NEK5: variants seen among roughly 807,000 people sequenced by gnomAD.
NEK5 encodes serine/threonine-protein kinase Nek5.
NEK5 carries 88 observed loss-of-function variants against 109.2 expected under a neutral mutation model. The observed-to-expected ratio is 0.81, with a 90% CI of 0.68 to 0.96. The LOEUF is 0.96. Ranked by LOEUF, NEK5 falls within the 40% of genes least tolerant of loss-of-function variation. NEK5 has a pLI of 0.00. For synonymous variants in NEK5, 283 were observed against 299.9 expected (o/e 0.94, Z 0.58); for missense variants, 834 against 920.7 (o/e 0.91, Z 1.22).
chr13:52,056,390 A>G (rs958949809), intron 22 of NEK5, among the ~76,000 whole-genome samples: 3 of 151,860 alleles, frequency 2.0e-5, no homozygotes, highest in Non-Finnish European at 2.9e-5. Flanking sequence ...CAGATCAACG[A>G]GACAGAAAAT....
At chr13:52,122,649 C>T (rs1424414216) in intron 3 of NEK5, among the ~76,000 whole-genome samples, 1 of 152,104 alleles carries the variant, frequency 6.6e-6, no homozygotes, top group African/African-American at 2.4e-5. Context: ...CGCCTGTAGT[C>T]CCAGCTACTC....
At chr13:52,123,174 C>T (rs1013623491) in intron 3 of NEK5, among the ~76,000 whole-genome samples, 2 of 152,050 alleles carry the variant, frequency 1.3e-5, no homozygotes, top group African/African-American at 4.8e-5. Context: ...TAATGAAAAA[C>T]TACATGAGAG....
At chr13:52,112,171 C>T (rs1955771026) in intron 5 of NEK5, 97 bp downstream of exon 5, 1 of 574,030 alleles carries the variant, frequency 1.7e-6, no homozygotes, top group East Asian at 2.8e-5. Flanking sequence ...AAAACACATG[C>T]TTTATATCAA....
At chr13:52,046,152 A>G (rs930759328) in intron 23 of NEK5, among the ~76,000 whole-genome samples, 3 of 151,710 alleles carry the variant, frequency 2.0e-5, no homozygotes, top group African/African-American at 2.4e-5. Context: ...ATTTTACTAT[A>G]GAGAAAATTA....
intron 8 of NEK5, among the ~76,000 whole-genome samples, chr13:52,106,304 C>G (rs1955654202): frequency 6.6e-6 from 1 of 152,142 alleles, no homozygotes; most frequent in Admixed American, 6.6e-5. Context: ...CCAAGTATCT[C>G]TTGGGCATTT....
chr13:52,108,368 A>C lies in NEK5; in HGVS notation c.504T>G (p.Pro168=), dbSNP rs777035100. The C allele has an allele frequency of 6.2e-7, 1 of 1,611,474 alleles. No homozygotes were observed. The highest frequency in any genetic ancestry group is 8.5e-7 in the Non-Finnish European group (1 of 1,178,034). Residue 168 remains proline, a synonymous_variant, in exon 8 of 24, where the codon CCT becomes CCG. Coordinates refer to ENST00000684899, the MANE Select transcript of NEK5 (RefSeq NM_001365552.1). The part of the protein sequence containing the change: ...MELARTCIGT[P]YYLSPEICQN... ...GACAGATCTCTGGGGACAGGTAGTA[A>C]GGTGTTCCAATACAAGTTCGAGCAA... is the stretch of plus-strand genomic sequence containing the variant.
intron 23 of NEK5, among the ~76,000 whole-genome samples, chr13:52,046,482 A>AC (rs2140900317): frequency 8.8e-6 from 1 of 113,874 alleles, no homozygotes; most frequent in Admixed American, 9.3e-5. Flanking sequence ...CTGTATGTTT[A>AC]AAAAAAAAAA....
chr13:52,084,849 T>TG (rs1955106985), intron 16 of NEK5, among the ~76,000 whole-genome samples: 2 of 146,602 alleles, frequency 1.4e-5, no homozygotes, highest in South Asian at 4.4e-4. Flanking sequence ...TTGCCCAGGC[T>TG]GGTCTCAAAC....
rs1200937271 is a variant in NEK5, at chr13:52,071,955, C to A, written c.1838G>T (p.Cys613Phe). 7 of 1,613,338 alleles carry A rather than the reference C, an allele frequency of 4.3e-6. No homozygotes were observed. Among genetic ancestry groups the A allele is most frequent in the Non-Finnish European group, 5.9e-6 (7 of 1,179,514 alleles). ...CAAGAAACACATACCTGCTTCTGGG[C>A]AGTGAAGTTTTTCAAATGCTTTGTC... The part of the protein sequence containing the change: ...YTDKAFEKLH[C>F]PEAGFSTQTV... The change falls in exon 20 of 24, where the codon TGC becomes TTC. Residue 613 changes from cysteine (C) to phenylalanine (F), a missense_variant. Physicochemically the swap from Cys to Phe is radical, Grantham distance 205 (BLOSUM62 -2). Coordinates refer to ENST00000684899, the MANE Select transcript of NEK5 (RefSeq NM_001365552.1).
intron 13 of NEK5, among the ~76,000 whole-genome samples, chr13:52,089,968 AAAAG>A (rs1955243400): frequency 5.9e-5 from 9 of 152,038 alleles, no homozygotes; most frequent in Admixed American, 4.6e-4. Context: ...TCTCAAAAAA[AAAAG>A]AAAAAAAGAA....
intron 16 of NEK5, 27 bp from the exon 17 acceptor site, chr13:52,083,379 C>A (rs763153355): frequency 1.4e-6 from 2 of 1,444,784 alleles, no homozygotes; most frequent in Admixed American, 3.3e-5. Flanking sequence ...ACACAGTCAA[C>A]AAGATTGGTT....
At chr13:52,099,945 A>G in intron 11 of NEK5, 69 bp from the exon 12 acceptor site, 1 of 1,212,648 alleles carries the variant, frequency 8.2e-7, no homozygotes, top group East Asian at 2.3e-5. Flanking sequence ...GATACTTGTA[A>G]GAGTATAAAC....
chr13:52,041,752 A>T (rs1039324254), intron 23 of NEK5, among the ~76,000 whole-genome samples: 9 of 150,190 alleles, frequency 6.0e-5, no homozygotes, highest in African/African-American at 2.2e-4. Flanking sequence ...AAAAAAAAAA[A>T]ATTCACCTGG....
intron 8 of NEK5, among the ~76,000 whole-genome samples, chr13:52,106,674 C>T (rs1321765736): frequency 2.6e-5 from 4 of 151,142 alleles, no homozygotes; most frequent in East Asian, 1.9e-4. Flanking sequence ...GACTGAGGCA[C>T]GAGAATTGCT....
At chr13:52,090,475 T>C (rs1379023626) in intron 13 of NEK5, among the ~76,000 whole-genome samples, 1 of 152,170 alleles carries the variant, frequency 6.6e-6, no homozygotes, top group Non-Finnish European at 1.5e-5. Flanking sequence ...TCCTCAGCTG[T>C]AAAGTGGGCA....
At chr13:52,097,233 C>T (rs570566925) in intron 12 of NEK5, among the ~76,000 whole-genome samples, 3 of 152,326 alleles carry the variant, frequency 2.0e-5, no homozygotes, top group African/African-American at 7.2e-5. Flanking sequence ...GCATTGGAGC[C>T]TCCACACAGA....
intron 9 of NEK5, 89 bp from the exon 10 acceptor site, chr13:52,102,381 G>A (rs1955558057): frequency 9.8e-7 from 1 of 1,018,292 alleles, no homozygotes; most frequent in African/African-American, 1.6e-5. Flanking sequence ...AATATACCAA[G>A]AAGCAAAACA....
chr13:52,064,448 G>A (rs1192598802), intron 21 of NEK5, among the ~76,000 whole-genome samples: 2 of 138,882 alleles, frequency 1.4e-5, no homozygotes, highest in Non-Finnish European at 3.2e-5. Context: ...GGAGGGAGGT[G>A]GGGGGGGTCA....
chr13:52,098,032 T>C (rs1404830274), intron 12 of NEK5, among the ~76,000 whole-genome samples: 1 of 152,200 alleles, frequency 6.6e-6, no homozygotes, highest in Non-Finnish European at 1.5e-5. Flanking sequence ...CCATTTAAGA[T>C]GAGCCTGCTT....
Sources: allele counts gnomAD v4.1 joint callset (sites outside exome capture counted in the v4.1 genomes callset), GRCh38; gene constraint gnomAD v4.1.1; transcripts MANE v1.5; gene names NCBI Gene and HGNC (gene_info 2026-07-23, HGNC 2026-07-21).